Variants in MOGAT1 observed in about 807,000 individuals in gnomAD.
MOGAT1 encodes the protein 2-acylglycerol O-acyltransferase 1.
MOGAT1 carries 32 observed loss-of-function variants against 31.4 expected under a neutral mutation model. That is an observed-to-expected ratio of 1.02 (90% confidence interval 0.77 to 1.37). The LOEUF is 1.37. Ranked by LOEUF, MOGAT1 falls within the 40% of genes most tolerant of loss-of-function variation. The probability of loss-of-function intolerance (pLI) is 0.00; values close to 1 mark genes in which losing one functional copy is unlikely to be tolerated. For missense variants in MOGAT1, 426 were observed against 402.0 expected (o/e 1.06, Z -0.51); for synonymous variants, 145 against 144.5 (o/e 1.00, Z -0.03).
At chr2:222,673,025 T>A (rs1246742075) in intron 1 of MOGAT1, among the ~76,000 whole-genome samples, 3 of 151,760 alleles carry the variant, frequency 2.0e-5, no homozygotes, top group Non-Finnish European at 2.9e-5. Context: ...GTAATTCTTC[T>A]GCCTCAGCCT....
chr2:222,694,302 T>C, intron 3 of MOGAT1, 60 bp from the exon 4 acceptor site: 1 of 1,410,030 alleles, frequency 7.1e-7, no homozygotes, highest in Non-Finnish European at 9.6e-7. Context: ...AATATTATGA[T>C]AAAACATTGT....
chr2:222,708,982 A>G (rs1057509614), intron 5 of MOGAT1, among the ~76,000 whole-genome samples: 2 of 152,144 alleles, frequency 1.3e-5, no homozygotes, highest in African/African-American at 2.4e-5. Context: ...ATTTATGTGT[A>G]TTTCTCTAAT....
rs1156315859 is a variant in MOGAT1 at position 222,671,890 on chromosome 2, CG to C, written c.94+12del. 3.0e-5 allele frequency: 47 copies of C among 1,547,964 alleles called. No individual in the cohort carries two copies. Among genetic ancestry groups the C allele is most frequent in the Non-Finnish European group, 4.0e-5 (46 of 1,144,322 alleles). The stretch of plus-strand genomic sequence containing the variant: ...AATACCTGCTGCTCGGTAAGGACCC[CG>C]CCCCCCGGGCCGCGGGGCTTGGGCT... On this transcript the variant is annotated intron_variant, in intron 1 of 5. Coordinates refer to ENST00000446656, the MANE Select transcript of MOGAT1 (RefSeq NM_058165.3).
intron 5 of MOGAT1, among the ~76,000 whole-genome samples, chr2:222,701,480 G>A (rs1486052570): frequency 1.4e-5 from 2 of 143,378 alleles, no homozygotes; most frequent in East Asian, 4.1e-4. Flanking sequence ...GAAAGAGAAA[G>A]AAAGAAAGAG....
intron 4 of MOGAT1, among the ~76,000 whole-genome samples, chr2:222,694,789 A>C (rs1356413845): frequency 1.3e-5 from 2 of 152,208 alleles, no homozygotes; most frequent in Non-Finnish European, 2.9e-5. Context: ...CCAACATTCT[A>C]TATATACAGT....
intron 5 of MOGAT1, among the ~76,000 whole-genome samples, chr2:222,702,447 A>G (rs896012532): frequency 6.6e-6 from 1 of 152,180 alleles, no homozygotes; most frequent in Non-Finnish European, 1.5e-5. Flanking sequence ...GATGATTCAC[A>G]TGATTGAATC....
intron 1 of MOGAT1, among the ~76,000 whole-genome samples, chr2:222,674,428 A>G (rs1006585670): frequency 6.6e-6 from 1 of 152,242 alleles, no homozygotes; most frequent in Admixed American, 6.5e-5. Flanking sequence ...TTTTGCAAAA[A>G]TATTTTAAAA....
intron 1 of MOGAT1, among the ~76,000 whole-genome samples, chr2:222,675,519 G>A (rs1448785807): frequency 4.3e-5 from 6 of 138,320 alleles, no homozygotes; most frequent in African/African-American, 1.6e-4. Flanking sequence ...TCACTCTGTC[G>A]CCCAGGCTGG....
intron 3 of MOGAT1, among the ~76,000 whole-genome samples, chr2:222,692,883 C>A (rs1316191853): frequency 6.6e-6 from 1 of 152,160 alleles, no homozygotes; most frequent in Admixed American, 6.5e-5. Flanking sequence ...GGAAGAGATG[C>A]ACCCAACTCT....
chr2:222,683,353 A>G (rs969786918), intron 1 of MOGAT1, among the ~76,000 whole-genome samples: 4 of 152,048 alleles, frequency 2.6e-5, no homozygotes, highest in Admixed American at 2.6e-4. Flanking sequence ...TAGTTGTACA[A>G]CATTGTGAAT....
chr2:222,702,277 G>A (rs1302472229), intron 5 of MOGAT1, among the ~76,000 whole-genome samples: 1 of 152,146 alleles, frequency 6.6e-6, no homozygotes, highest in Non-Finnish European at 1.5e-5. Flanking sequence ...TAGATTGATG[G>A]GAAAACAACT....
At position 222,673,389 on chromosome 2, in the gene MOGAT1, C is replaced by G. The variant is rs1387976367; in HGVS notation, c.94+1510C>G. Among the ~76,000 whole-genome samples the G allele has an allele frequency of 2.0e-5, 3 of 148,464 alleles. No homozygotes were observed. The Admixed American group carries it at 2.0e-4, about 10-fold the overall frequency. ...ACTCATTAAGTCCTCACAGACTACA[C>G]CGTGAGGCAGGGTTGCTCTGGATCA... On this transcript the variant is annotated intron_variant, in intron 1 of 5. Transcript: ENST00000446656.
chr2:222,677,207 A>T (rs1692511788), intron 1 of MOGAT1, among the ~76,000 whole-genome samples: 1 of 152,246 alleles, frequency 6.6e-6, no homozygotes, highest in African/African-American at 2.4e-5. Context: ...TGTCAGTTAA[A>T]AGTGAACAAT....
Position 222,694,440 on chromosome 2 carries a change from T to C in MOGAT1, c.557T>C (p.Leu186Pro), listed in dbSNP as rs761655300. 1 of 1,613,952 alleles carries C rather than the reference T, an allele frequency of 6.2e-7. No individual in the cohort carries two copies. The highest frequency in any genetic ancestry group is 1.1e-5 in the South Asian group (1 of 91,080). ...EGGGNISVIV[L>P]GGAKESLDAH... ...GGTGGAAACATCTCTGTCATTGTCC[T>C]TGGGGGTGCAAAAGAATCACTGGAT... Residue 186 changes from leucine to proline, a missense_variant, in exon 4 of 6, where the codon CTT becomes CCT. By Grantham distance (98) the Leu-to-Pro change is moderately conservative (BLOSUM62 -3). Transcript: ENST00000446656.
At chr2:222,688,934 C>T (rs1250005914) in intron 2 of MOGAT1, among the ~76,000 whole-genome samples, 1 of 152,164 alleles carries the variant, frequency 6.6e-6, no homozygotes, top group Admixed American at 6.5e-5. Flanking sequence ...CTCATTAGGC[C>T]CCACCTCCCA....
chr2:222,678,450 G>C (rs1692529427), intron 1 of MOGAT1, among the ~76,000 whole-genome samples: 1 of 152,106 alleles, frequency 6.6e-6, no homozygotes, highest in South Asian at 2.1e-4. Flanking sequence ...CTATTGCTGA[G>C]TTTTGAGAGT....
intron 1 of MOGAT1, among the ~76,000 whole-genome samples, chr2:222,686,883 C>T (rs1359976911): frequency 6.6e-6 from 1 of 151,958 alleles, no homozygotes; most frequent in East Asian, 1.9e-4. Context: ...GAGGCTGAGG[C>T]GGGTGGATCA....
intron 5 of MOGAT1, chr2:222,699,263 A>T (rs1692881973): frequency 6.6e-6 from 1 of 152,058 alleles, no homozygotes; most frequent in Non-Finnish European, 1.5e-5. Flanking sequence ...CAGCCTCCCA[A>T]AGTACTGGGA....
intron 1 of MOGAT1, among the ~76,000 whole-genome samples, chr2:222,686,686 G>A (rs1349383663): frequency 6.6e-6 from 1 of 152,222 alleles, no homozygotes; most frequent in African/African-American, 2.4e-5. Context: ...CCACAGAGGT[G>A]TGGAGGACAC....
Sources: allele counts gnomAD v4.1 joint callset (sites outside exome capture counted in the v4.1 genomes callset), GRCh38; gene constraint gnomAD v4.1.1; transcripts MANE v1.5; gene names NCBI Gene and HGNC (gene_info 2026-07-23, HGNC 2026-07-21).